CCDC85A: variants seen among roughly 807,000 people sequenced by gnomAD.
The protein encoded by CCDC85A is coiled-coil domain containing 85A, also known as coiled-coil domain-containing protein 85A.
In CCDC85A, 38 loss-of-function variants were observed where a neutral mutation model predicts 50.2. The ratio of observed to expected loss-of-function variants is 0.76; its 90% CI spans 0.58 to 0.99. The LOEUF is 0.99. Ranked by LOEUF, CCDC85A falls within the 50% of genes least tolerant of loss-of-function variation. The pLI is 0.00. For missense variants in CCDC85A, 820 were observed against 742.0 expected (o/e 1.11, Z -1.22); for synonymous variants, 366 against 301.4 (o/e 1.21, Z -2.22).
intron 2 of CCDC85A, among the ~76,000 whole-genome samples, chr2:56,256,856 G>A (rs1408832440): frequency 1.3e-5 from 2 of 152,218 alleles, no homozygotes; most frequent in Admixed American, 6.5e-5. Flanking sequence ...TCAGGTTCCA[G>A]TTGTAAAGTG....
At chr2:56,249,528 G>C (rs1486737882) in intron 2 of CCDC85A, among the ~76,000 whole-genome samples, 3 of 152,224 alleles carry the variant, frequency 2.0e-5, no homozygotes, top group Non-Finnish European at 4.4e-5. Context: ...AAGACACACT[G>C]TGGAAGCTTT....
At chr2:56,312,638 C>G (rs903614829) in intron 2 of CCDC85A, among the ~76,000 whole-genome samples, 1 of 152,140 alleles carries the variant, frequency 6.6e-6, no homozygotes, top group Non-Finnish European at 1.5e-5. Flanking sequence ...TGGTCAGAAA[C>G]AAACACCCAA....
chr2:56,247,381 C>T (rs1204719395), intron 2 of CCDC85A, among the ~76,000 whole-genome samples: 2 of 151,996 alleles, frequency 1.3e-5, no homozygotes, highest in Non-Finnish European at 2.9e-5. Context: ...AAAGAAGAAA[C>T]ACACTTGAAA....
intron 2 of CCDC85A, among the ~76,000 whole-genome samples, chr2:56,205,082 C>T (rs1410626641): frequency 6.6e-6 from 1 of 152,096 alleles, no homozygotes; most frequent in Non-Finnish European, 1.5e-5. Flanking sequence ...ACATAGTTCT[C>T]CACGTTGCTT....
intron 2 of CCDC85A, among the ~76,000 whole-genome samples, chr2:56,339,256 C>T (rs1363134067): frequency 1.3e-5 from 2 of 151,954 alleles, no homozygotes; most frequent in Non-Finnish European, 2.9e-5. Flanking sequence ...TTCATTATTT[C>T]ACCTGTTTAA....
At chr2:56,295,819 C>T (rs1157365496) in intron 2 of CCDC85A, among the ~76,000 whole-genome samples, 1 of 152,216 alleles carries the variant, frequency 6.6e-6, no homozygotes, top group African/African-American at 2.4e-5. Flanking sequence ...ATCATAACAG[C>T]TTCTGGCTTC....
chr2:56,261,397 A>G (rs1386706500), intron 2 of CCDC85A, among the ~76,000 whole-genome samples: 3 of 152,328 alleles, frequency 2.0e-5, no homozygotes, highest in East Asian at 1.9e-4. Flanking sequence ...CCCTGCTGCC[A>G]TTTTAAACAC....
intron 2 of CCDC85A, among the ~76,000 whole-genome samples, chr2:56,310,045 T>G (rs565237913): frequency 6.6e-6 from 1 of 152,262 alleles, no homozygotes; most frequent in East Asian, 1.9e-4. Flanking sequence ...TTGTTTCATA[T>G]GAGATGTGAG....
chr2:56,307,024 A>G (rs1334724979), intron 2 of CCDC85A, among the ~76,000 whole-genome samples: 1 of 152,180 alleles, frequency 6.6e-6, no homozygotes, highest in Non-Finnish European at 1.5e-5. Context: ...ACCCTCTACT[A>G]ATTTTAGATA....
rs1235375030 is a variant in CCDC85A, at chr2:56,184,867, G to A, written c.243G>A (p.Leu81=). The A allele has an allele frequency of 6.5e-7, 1 of 1,534,612 alleles. No homozygotes were observed. The highest frequency in any genetic ancestry group is 8.7e-7 in the Non-Finnish European group (1 of 1,142,960). The change falls in exon 1 of 6, where the codon CTG becomes CTA. Residue 81 remains leucine, a synonymous_variant. Transcript: ENST00000407595. ...SNLIREVNRR[L]QLHLGEIRGL... ...TCATCCGCGAGGTGAACCGCCGCCTGCAGCTGCACCTCGGCGAGATCCGCG... is the reference window on the plus strand; with the variant it reads ...TCATCCGCGAGGTGAACCGCCGCCTACAGCTGCACCTCGGCGAGATCCGCG...
intron 2 of CCDC85A, among the ~76,000 whole-genome samples, chr2:56,326,770 C>G (rs923997233): frequency 7.2e-5 from 11 of 152,122 alleles, no homozygotes; most frequent in African/African-American, 2.6e-4. Flanking sequence ...TGTTTTTCTG[C>G]AAGCATTCAA....
intron 2 of CCDC85A, among the ~76,000 whole-genome samples, chr2:56,240,256 A>G (rs1294448892): frequency 6.6e-6 from 1 of 152,170 alleles, no homozygotes; most frequent in Non-Finnish European, 1.5e-5. Flanking sequence ...ACTTCACTTC[A>G]GCCTCTGATT....
chr2:56,304,121 C>T (rs542745857), intron 2 of CCDC85A, among the ~76,000 whole-genome samples: 1 of 152,262 alleles, frequency 6.6e-6, no homozygotes, highest in African/African-American at 2.4e-5. Context: ...ATGAATGAGG[C>T]TGTTGTAAGT....
intron 2 of CCDC85A, among the ~76,000 whole-genome samples, chr2:56,233,632 G>T (rs1668872675): frequency 6.6e-6 from 1 of 152,130 alleles, no homozygotes. Flanking sequence ...ACCATTCTTA[G>T]CCTGTGGGCT....
intron 2 of CCDC85A, among the ~76,000 whole-genome samples, chr2:56,276,377 G>T (rs542609688): frequency 3.9e-5 from 6 of 152,156 alleles, no homozygotes; most frequent in African/African-American, 1.2e-4. Context: ...GAGTGATTCG[G>T]TTTGACTGTA....
intron 2 of CCDC85A, among the ~76,000 whole-genome samples, chr2:56,286,016 C>T (rs764526483): frequency 8.6e-5 from 13 of 151,806 alleles, no homozygotes; most frequent in Admixed American, 5.3e-4. Flanking sequence ...CCCCCCACCC[C>T]GACCCCCAAC....
chr2:56,280,917 C>T (rs1671179274), intron 2 of CCDC85A, among the ~76,000 whole-genome samples: 1 of 152,084 alleles, frequency 6.6e-6, no homozygotes, highest in Non-Finnish European at 1.5e-5. Flanking sequence ...ATGTTGGAGC[C>T]ACCAGAAATC....
At chr2:56,187,891 C>T (rs999976339) in intron 1 of CCDC85A, among the ~76,000 whole-genome samples, 1 of 152,156 alleles carries the variant, frequency 6.6e-6, no homozygotes, top group Non-Finnish European at 1.5e-5. Context: ...GGGGCTGATT[C>T]GGGATGAATC....
chr2:56,323,413 C>T (rs1169446050), intron 2 of CCDC85A, among the ~76,000 whole-genome samples: 1 of 151,978 alleles, frequency 6.6e-6, no homozygotes, highest in Non-Finnish European at 1.5e-5. Flanking sequence ...GTTAGGGCTC[C>T]AGGGAGGTTT....
Sources: gnomAD v4.1 joint callset for allele counts (sites outside exome capture counted in the v4.1 genomes callset) on GRCh38, gnomAD v4.1.1 for gene constraint, MANE v1.5 for transcripts, NCBI Gene and HGNC (gene_info 2026-07-23, HGNC 2026-07-21) for gene names.